HMCN1: variants seen among roughly 807,000 people sequenced by gnomAD.
HMCN1 encodes the protein hemicentin-1.
A neutral mutation model predicts 625.9 loss-of-function variants in HMCN1; 321 were observed. That is an observed-to-expected ratio of 0.51 (90% CI 0.47 to 0.56). The LOEUF is 0.56. HMCN1 is among the 20% of genes least tolerant of loss of function. The probability of loss-of-function intolerance (pLI) is 0.00; values close to 1 mark genes in which losing one functional copy is unlikely to be tolerated. For missense variants in HMCN1, 6,588 were observed against 6,887.3 expected (o/e 0.96, Z 1.54); for synonymous variants, 2,425 against 2,417.6 (o/e 1.00, Z -0.09).
At chr1:186,114,793 G>A in intron 73 of HMCN1, 26 bp from the exon 74 acceptor site, 1 of 1,613,790 alleles carries the variant, frequency 6.2e-7, no homozygotes, top group Non-Finnish European at 8.5e-7. Context: ...TGATTCAGAA[G>A]ACTTCACTTG....
intron 1 of HMCN1, among the ~76,000 whole-genome samples, chr1:185,802,433 G>A (rs748034220): frequency 6.6e-6 from 1 of 152,258 alleles, no homozygotes; most frequent in Non-Finnish European, 1.5e-5. Flanking sequence ...AGGCCCATTG[G>A]CATGGATGAA....
At position 186,113,611 on chromosome 1, in the gene HMCN1, A is replaced by C. The variant is rs1660989211; in HGVS notation, c.11132-368A>C. Among the ~76,000 whole-genome samples, 3 of 152,242 alleles carry C rather than the reference A, an allele frequency of 2.0e-5. No individual in the cohort carries two copies. In the South Asian group the frequency reaches 6.2e-4, roughly 32 times the overall value. On this transcript the variant is annotated intron_variant, in intron 72 of 106. Coordinates refer to ENST00000271588, the MANE Select transcript of HMCN1 (RefSeq NM_031935.3). ...AGCCCACTTTCTGTTCTTCATTTAA[A>C]GTGAAGCTGTTCCAGTGTTAGCATT...
intron 93 of HMCN1, among the ~76,000 whole-genome samples, chr1:186,148,462 T>C (rs1472876310): frequency 6.6e-6 from 1 of 152,192 alleles, no homozygotes; most frequent in Non-Finnish European, 1.5e-5. Flanking sequence ...TTTGCCCAGA[T>C]CCATCAAAGG....
chr1:186,114,829 T>C lies in HMCN1; in HGVS notation c.11287T>C (p.Leu3763=), dbSNP rs761439561. 2 of 1,614,212 alleles carry C rather than the reference T, an allele frequency of 1.2e-6. No individual in the cohort carries two copies. Among genetic ancestry groups the C allele is most frequent in the Admixed American group, 1.7e-5 (1 of 60,028 alleles). The change falls in exon 74 of 107, where the codon TTG becomes CTG. Residue 3763 remains leucine (L), a synonymous_variant. Coordinates refer to ENST00000271588, the MANE Select transcript of HMCN1 (RefSeq NM_031935.3). ...TGATTTCTCTTGTAGATATTCCATCTTGGAAAATGGATTCCTTCATATTCA... is the reference window on the plus strand; with the variant it reads ...TGATTTCTCTTGTAGATATTCCATCCTGGAAAATGGATTCCTTCATATTCA... The part of the protein sequence containing the change: ...LAGNHARYSI[L]ENGFLHIQSA...
chr1:185,974,741 A>C (rs1651074652), intron 15 of HMCN1, among the ~76,000 whole-genome samples: 1 of 152,112 alleles, frequency 6.6e-6, no homozygotes, highest in Admixed American at 6.6e-5. Context: ...CTGCTTACCT[A>C]GTGCCTGGTA....
At chr1:186,135,550 A>T (rs1365451745) in intron 86 of HMCN1, among the ~76,000 whole-genome samples, 1 of 152,158 alleles carries the variant, frequency 6.6e-6, no homozygotes, top group Non-Finnish European at 1.5e-5. Context: ...TGTCTTAGAG[A>T]TACCTCAAGT....
At chr1:185,936,064 T>C (rs1363350379) in intron 11 of HMCN1, among the ~76,000 whole-genome samples, 2 of 152,160 alleles carry the variant, frequency 1.3e-5, no homozygotes, top group Non-Finnish European at 1.5e-5. Flanking sequence ...AGTTTTCTTG[T>C]TTAAAGGGGA....
At chr1:186,179,446 G>T (rs1020229834) in intron 104 of HMCN1, among the ~76,000 whole-genome samples, 9 of 152,114 alleles carry the variant, frequency 5.9e-5, no homozygotes, top group Non-Finnish European at 8.8e-5. Context: ...TTTCAGTCGA[G>T]TTGCAAACAT....
chr1:186,074,328 CTAA>C (rs1162365654), intron 52 of HMCN1, among the ~76,000 whole-genome samples: 19 of 151,800 alleles, frequency 1.3e-4, no homozygotes, highest in Non-Finnish European at 2.8e-4. Flanking sequence ...TCAGATTATA[CTAA>C]TGTGCTCAAT....
At chr1:185,973,890 G>T (rs577392211) in intron 15 of HMCN1, among the ~76,000 whole-genome samples, 1 of 152,230 alleles carries the variant, frequency 6.6e-6, no homozygotes, top group South Asian at 2.1e-4. Flanking sequence ...TTGCGGTTTG[G>T]TGGAACCAAA....
At chr1:185,915,511 A>G (rs1420290754) in intron 6 of HMCN1, among the ~76,000 whole-genome samples, 1 of 152,008 alleles carries the variant, frequency 6.6e-6, no homozygotes, top group Non-Finnish European at 1.5e-5. Context: ...TTAATTTAAC[A>G]TATCCCCTGG....
At position 186,185,597 on chromosome 1, in the gene HMCN1, G is replaced by A. The variant is rs114007464; in HGVS notation, c.16415-2286G>A. ...AACTAACTAAAAAGTTATTTACTCC[G>A]TATCATTCTAACCCAGTATCTTTTT... On this transcript the variant is annotated intron_variant, in intron 105 of 106. Transcript: ENST00000271588. 3.9e-5 allele frequency among the ~76,000 whole-genome samples: 6 copies of A among 152,248 alleles called. No homozygotes were observed. In the East Asian group the frequency reaches 7.7e-4, roughly 20 times the overall value.
chr1:185,791,680 C>T (rs1658009040), intron 1 of HMCN1, among the ~76,000 whole-genome samples: 1 of 151,926 alleles, frequency 6.6e-6, no homozygotes, highest in Admixed American at 6.6e-5. Flanking sequence ...CGAGATTGTG[C>T]CACTGCATTC....
At chr1:186,105,206 C>A (rs1253602694) in intron 69 of HMCN1, among the ~76,000 whole-genome samples, 1 of 152,016 alleles carries the variant, frequency 6.6e-6, no homozygotes, top group African/African-American at 2.4e-5. Flanking sequence ...TGACTGTATA[C>A]ATAAGATACA....
At chr1:185,967,215 A>G (rs1480359592) in intron 14 of HMCN1, among the ~76,000 whole-genome samples, 1 of 152,174 alleles carries the variant, frequency 6.6e-6, no homozygotes, top group Non-Finnish European at 1.5e-5. Flanking sequence ...GCCAACTTCT[A>G]TATATGTGTA....
intron 1 of HMCN1, among the ~76,000 whole-genome samples, chr1:185,747,659 A>G (rs1654511912): frequency 6.6e-6 from 1 of 152,148 alleles, no homozygotes; most frequent in African/African-American, 2.4e-5. Flanking sequence ...GTCGTATTTA[A>G]TCTTTTGTTG....
intron 2 of HMCN1, among the ~76,000 whole-genome samples, chr1:185,861,682 G>A (rs1210173988): frequency 6.6e-6 from 1 of 152,074 alleles, no homozygotes; most frequent in East Asian, 1.9e-4. Context: ...GGTCATTGTT[G>A]CACATGATAA....
rs1296353046 is a variant in HMCN1 at position 186,093,770 on chromosome 1, C to G, written c.10196+101C>G. Reference sequence around the variant, plus strand: ...TGTTGAAGAAATGTTTTTTTCTAAGCCTTTACAGTTTTTTTCCCTTTAAGT... The same window carrying G: ...TGTTGAAGAAATGTTTTTTTCTAAGGCTTTACAGTTTTTTTCCCTTTAAGT... On this transcript the variant is annotated intron_variant, in intron 66 of 106. Coordinates refer to ENST00000271588, the MANE Select transcript of HMCN1 (RefSeq NM_031935.3). 11 of 1,496,816 alleles carry G rather than the reference C, an allele frequency of 7.3e-6. No homozygotes were observed. In the East Asian group the frequency reaches 1.8e-4, roughly 25 times the overall value. 92.7% of individuals were successfully genotyped at this position (1,496,816 alleles called of 1,614,324 possible).
intron 1 of HMCN1, among the ~76,000 whole-genome samples, chr1:185,779,106 G>C (rs1004323686): frequency 6.6e-5 from 10 of 152,180 alleles, no homozygotes; most frequent in African/African-American, 2.2e-4. Flanking sequence ...GTGATGATGA[G>C]CATTTTTTCA....
Sources: allele counts gnomAD v4.1 joint callset (sites outside exome capture counted in the v4.1 genomes callset), GRCh38; gene constraint gnomAD v4.1.1; transcripts MANE v1.5; gene names NCBI Gene and HGNC (gene_info 2026-07-23, HGNC 2026-07-21).